Variants in OR6K2 observed in about 807,000 individuals in gnomAD.
OR6K2 encodes the protein olfactory receptor 6K2.
For missense variants in OR6K2, 450 were observed against 402.5 expected (o/e 1.12, Z -1.01); for synonymous variants, 139 against 143.8 (o/e 0.97, Z 0.24).
At position 158,700,114 on chromosome 1, in the gene OR6K2, A is replaced by G. The variant is rs754316904; in HGVS notation, c.539T>C (p.Phe180Ser). The G allele has an allele frequency of 2.5e-6, 4 of 1,614,126 alleles. No individual in the cohort carries two copies. The highest frequency in any genetic ancestry group is 2.2e-5 in the South Asian group (2 of 91,072). The change falls in exon 1 of 1, where the codon TTC (phenylalanine) becomes TCC (serine). Residue 180 changes from phenylalanine to serine, a missense_variant. By Grantham distance (155) the Phe-to-Ser change is radical. Coordinates refer to ENST00000359610, the MANE Select transcript of OR6K2 (RefSeq NM_001005279.3). ...SNHLEHIFCD[F>S]LPVLRLACTD... ...GCAGGCCAGACGCAGCACTGGGAGGAAGTCACAGAAGATATGTTCAAGGTG... is the reference window on the plus strand; with the variant it reads ...GCAGGCCAGACGCAGCACTGGGAGGGAGTCACAGAAGATATGTTCAAGGTG...
chr1:158,699,765 T>C lies in OR6K2; in HGVS notation c.888A>G (p.Lys296=), dbSNP rs780753136. 3 of 1,614,088 alleles carry C rather than the reference T, an allele frequency of 1.9e-6. No homozygotes were observed. Among genetic ancestry groups the C allele is most frequent in the Non-Finnish European group, 2.5e-6 (3 of 1,179,932 alleles). Reference sequence around the variant, plus strand: ...GCTTTTTTATAGCTTCTTTTATTTCTTTATTCCTCAGGCTATAGATAATGG... The same window carrying C: ...GCTTTTTTATAGCTTCTTTTATTTCCTTATTCCTCAGGCTATAGATAATGG... ...FNPIIYSLRN[K]EIKEAIKKHI... is the part of the protein sequence containing the mutation. Residue 296 remains lysine, a synonymous_variant, in exon 1 of 1, where the codon AAA becomes AAG. Transcript: ENST00000359610.
In OR6K2 at chr1:158,700,256, A is replaced by G; in HGVS notation, c.397T>C (p.Ser133Pro). 1 of 1,614,094 alleles carries G rather than the reference A, an allele frequency of 6.2e-7. No individual in the cohort carries two copies. The highest frequency in any genetic ancestry group is 8.5e-7 in the Non-Finnish European group (1 of 1,179,984). Reference sequence around the variant, plus strand: ...GTACATAGCTTGGGGGTCATGATAGAGGGATAATGAAGAGGGCTGCATATG... The same window carrying G: ...GTACATAGCTTGGGGGTCATGATAGGGGGATAATGAAGAGGGCTGCATATG... ...LAICSPLHYP[S>P]IMTPKLCTQL... Residue 133 changes from serine to proline, a missense_variant, in exon 1 of 1, where the codon TCT becomes CCT. Physicochemically the swap from Ser to Pro is moderately conservative, Grantham distance 74. Coordinates refer to ENST00000359610, the MANE Select transcript of OR6K2 (RefSeq NM_001005279.3).
rs1470130530 is a variant in OR6K2, at chr1:158,700,559, G to A, written c.94C>T (p.Leu32Phe). The change falls in exon 1 of 1, where the codon CTC becomes TTC. Residue 32 changes from leucine (L) to phenylalanine (F), a missense_variant. Physicochemically the swap from Leu to Phe is conservative, Grantham distance 22. Coordinates refer to ENST00000359610, the MANE Select transcript of OR6K2 (RefSeq NM_001005279.3). ...ACAACAATGAAAGCATAGATGAAGAGCAGTGGAACAAAGCAGACAACAGAC... is the reference window on the plus strand; with the variant it reads ...ACAACAATGAAAGCATAGATGAAGAACAGTGGAACAAAGCAGACAACAGAC... ...VKSVVCFVPL[L>F]FIYAFIVVGN... 1 of 1,613,976 alleles carries A rather than the reference G, an allele frequency of 6.2e-7. No homozygotes were observed. Among genetic ancestry groups the A allele is most frequent in the African/African-American group, 1.3e-5 (1 of 74,894 alleles).
At position 158,700,398 on chromosome 1, in the gene OR6K2, C is replaced by T. The variant is rs1329615426; in HGVS notation, c.255G>A (p.Leu85=). Residue 85 remains leucine, a synonymous_variant, in exon 1 of 1, where the codon CTG becomes CTA. Transcript: ENST00000359610. ...TGAAGGAAATGCTCCTCTCACTAAG[C>T]AGGCTAGACAGCATCTTTGGGATTG... is the stretch of plus-strand genomic sequence containing the variant. ...TATIPKMLSS[L]LSERSISFNG... 1 of 1,614,060 alleles carries T rather than the reference C, an allele frequency of 6.2e-7. No individual in the cohort carries two copies. Among genetic ancestry groups the T allele is most frequent in the Non-Finnish European group, 8.5e-7 (1 of 1,180,038 alleles).
In OR6K2 at chr1:158,700,043, G is replaced by A; in HGVS notation, c.610C>T (p.His204Tyr). Reference sequence around the variant, plus strand: ...ACAGCTGTAATAATCTCCACTGCATGAATGACATCCACTACCTGAATCATG... The same window carrying A: ...ACAGCTGTAATAATCTCCACTGCATAAATGACATCCACTACCTGAATCATG... The part of the protein sequence containing the change: ...IVMIQVVDVI[H>Y]AVEIITAVML... Residue 204 changes from histidine (H) to tyrosine (Y), a missense_variant, in exon 1 of 1, where the codon CAT (histidine) becomes TAT (tyrosine). Transcript: ENST00000359610. The A allele has an allele frequency of 1.9e-6, 3 of 1,614,144 alleles. No homozygotes were observed. The highest frequency in any genetic ancestry group is 2.5e-6 in the Non-Finnish European group (3 of 1,180,032).
Position 158,700,053 on chromosome 1 carries a change from C to A in OR6K2, c.600G>T (p.Val200=). ...DTRAIVMIQV[V]DVIHAVEIIT... ...TAATCTCCACTGCATGAATGACATC[C>A]ACTACCTGAATCATGACGATGGCTC... Residue 200 remains valine, a synonymous_variant, in exon 1 of 1, where the codon GTG becomes GTT. Coordinates refer to ENST00000359610, the MANE Select transcript of OR6K2 (RefSeq NM_001005279.3). 1 of 1,614,156 alleles carries A rather than the reference C, an allele frequency of 6.2e-7. No homozygotes were observed. The highest frequency in any genetic ancestry group is 8.5e-7 in the Non-Finnish European group (1 of 1,180,038).
Position 158,700,361 on chromosome 1 carries a change from G to A in OR6K2, c.292C>T (p.Leu98=), listed in dbSNP as rs748218001. The change falls in exon 1 of 1, where the codon CTG becomes TTG. Residue 98 remains leucine (L), a synonymous_variant. Transcript: ENST00000359610. ...GTGGAATGGAAGAAATACATCTGCAGGAGACAACCATTGAAGGAAATGCTC... is the reference window on the plus strand; with the variant it reads ...GTGGAATGGAAGAAATACATCTGCAAGAGACAACCATTGAAGGAAATGCTC... The part of the protein sequence containing the change: ...ERSISFNGCL[L]QMYFFHSTGI... 1.2e-6 allele frequency: 2 copies of A among 1,614,024 alleles called. No homozygotes were observed. Among genetic ancestry groups the A allele is most frequent in the African/African-American group, 1.3e-5 (1 of 74,912 alleles).
chr1:158,700,079 G>T lies in OR6K2; in HGVS notation c.574C>A (p.Arg192=). 1 of 1,614,144 alleles carries T rather than the reference G, an allele frequency of 6.2e-7. No homozygotes were observed. The highest frequency in any genetic ancestry group is 8.5e-7 in the Non-Finnish European group (1 of 1,180,028). ...PVLRLACTDT[R]AIVMIQVVDV... The stretch of plus-strand genomic sequence containing the variant: ...ACTACCTGAATCATGACGATGGCTC[G>T]TGTGTCTGTGCAGGCCAGACGCAGC... Residue 192 remains arginine (R), a synonymous_variant, in exon 1 of 1, where the codon CGA becomes AGA. Coordinates refer to ENST00000359610, the MANE Select transcript of OR6K2 (RefSeq NM_001005279.3).
In OR6K2 at chr1:158,700,123, A is replaced by G. The variant is rs1655756798; in HGVS notation, c.530T>C (p.Phe177Ser). 9 of 1,614,176 alleles carry G rather than the reference A, an allele frequency of 5.6e-6. No individual in the cohort carries two copies. The highest frequency in any genetic ancestry group is 7.6e-6 in the Non-Finnish European group (9 of 1,180,034). Residue 177 changes from phenylalanine (F) to serine (S), a missense_variant, in exon 1 of 1, where the codon TTC becomes TCC. Phe to Ser is a radical substitution (Grantham distance 155). Transcript: ENST00000359610. ...ACGCAGCACTGGGAGGAAGTCACAG[A>G]AGATATGTTCAAGGTGATTCGAACC... ...FCGSNHLEHI[F>S]CDFLPVLRLA...
chr1:158,699,731 G>A lies in OR6K2; in HGVS notation c.922C>T (p.Gln308Ter). The change falls in exon 1 of 1, where the codon CAA becomes TAA. Residue 308 changes from glutamine (Q) to a stop codon, truncating the protein, a stop_gained. Transcript: ENST00000359610. LOFTEE classifies it low-confidence loss of function (END_TRUNC). ...CTTACGGAAAAAAATATCTTAGCTT[G>A]ACCTATGTGCTTTTTTATAGCTTCT... Reference protein sequence around the residue: ...IKEAIKKHIGQAKIFFSVRPG... With the variant: ...IKEAIKKHIG 2 of 1,613,276 alleles carry A rather than the reference G, an allele frequency of 1.2e-6. No homozygotes were observed. The highest frequency in any genetic ancestry group is 1.7e-6 in the Non-Finnish European group (2 of 1,179,644).
At position 158,700,625 on chromosome 1, in the gene OR6K2, G is replaced by T. The variant is rs761457812; in HGVS notation, c.28C>A (p.Gln10Lys). MESPNRTTIQEFIFSAFPYS... is the reference protein window; with the variant it reads MESPNRTTIKEFIFSAFPYS... ...GGGAAAGCGGAGAAGATAAACTCCT[G>T]AATGGTGGTTCGATTGGGGCTCTCC... is the stretch of plus-strand genomic sequence containing the variant. Residue 10 changes from glutamine (Q) to lysine (K), a missense_variant, in exon 1 of 1, where the codon CAG (glutamine) becomes AAG (lysine). By Grantham distance (53) the Gln-to-Lys change is moderately conservative. Transcript: ENST00000359610. 6 of 1,612,082 alleles carry T rather than the reference G, an allele frequency of 3.7e-6. No individual in the cohort carries two copies.
rs752182709 is a variant in OR6K2, at chr1:158,700,309, G to A, written c.344C>T (p.Thr115Ile). ...CAGGTAGTGGTCAAAGGCCATAACT[G>A]TCAAGAGACACACCTCACAGATGCC... ...STGICEVCLL[T>I]VMAFDHYLAI... is the part of the protein sequence containing the mutation. Residue 115 changes from threonine to isoleucine, a missense_variant, in exon 1 of 1, where the codon ACA (threonine) becomes ATA (isoleucine). By Grantham distance (89) the Thr-to-Ile change is moderately conservative. Coordinates refer to ENST00000359610, the MANE Select transcript of OR6K2 (RefSeq NM_001005279.3). The A allele has an allele frequency of 8.7e-6, 14 of 1,614,126 alleles. No individual in the cohort carries two copies. The South Asian group carries it at 1.4e-4, about 16-fold the overall frequency.
chr1:158,700,496 T>C lies in OR6K2; in HGVS notation c.157A>G (p.Thr53Ala). The C allele has an allele frequency of 6.2e-7, 1 of 1,613,732 alleles. No individual in the cohort carries two copies. The highest frequency in any genetic ancestry group is 8.5e-7 in the Non-Finnish European group (1 of 1,179,772). The stretch of plus-strand genomic sequence containing the variant: ...GTATACATGGGAGTGTGGAGGTGAG[T>C]ATTCAACTGGACCACTGTGATGATG... ...LVIITVVQLNTHLHTPMYTFI... is the reference protein window; with the variant it reads ...LVIITVVQLNAHLHTPMYTFI... Residue 53 changes from threonine to alanine, a missense_variant, in exon 1 of 1, where the codon ACT (threonine) becomes GCT (alanine). Transcript: ENST00000359610.
At position 158,700,043 on chromosome 1, in the gene OR6K2, G is replaced by T. The variant is rs150220329; in HGVS notation, c.610C>A (p.His204Asn). ...IVMIQVVDVIHAVEIITAVML... is the reference protein window; with the variant it reads ...IVMIQVVDVINAVEIITAVML... ...ACAGCTGTAATAATCTCCACTGCAT[G>T]AATGACATCCACTACCTGAATCATG... Residue 204 changes from histidine to asparagine, a missense_variant, in exon 1 of 1, where the codon CAT (histidine) becomes AAT (asparagine). Physicochemically the swap from His to Asn is moderately conservative, Grantham distance 68. Coordinates refer to ENST00000359610, the MANE Select transcript of OR6K2 (RefSeq NM_001005279.3). 1.9e-6 allele frequency: 3 copies of T among 1,614,144 alleles called. No homozygotes were observed. The highest frequency in any genetic ancestry group is 2.5e-6 in the Non-Finnish European group (3 of 1,180,032).
chr1:158,699,920 G>A lies in OR6K2; in HGVS notation c.733C>T (p.His245Tyr), dbSNP rs1558008726. The change falls in exon 1 of 1, where the codon CAC (histidine) becomes TAC (tyrosine). Residue 245 changes from histidine (H) to tyrosine (Y), a missense_variant. Physicochemically the swap from His to Tyr is moderately conservative, Grantham distance 83. Transcript: ENST00000359610. Reference protein sequence around the residue: ...RRTAFSTCVSHFIVFSLFFGS... With the variant: ...RRTAFSTCVSYFIVFSLFFGS... ...AAGAAGAGCGAAAAGACAATGAAGTGAGAGACACACGTGGAAAATGCTGTG... is the reference window on the plus strand; with the variant it reads ...AAGAAGAGCGAAAAGACAATGAAGTAAGAGACACACGTGGAAAATGCTGTG... The A allele has an allele frequency of 1.2e-6, 2 of 1,614,180 alleles. No homozygotes were observed. The highest frequency in any genetic ancestry group is 1.7e-6 in the Non-Finnish European group (2 of 1,180,038).
rs757107613 is a variant in OR6K2, at chr1:158,700,326, A to T, written c.327T>A (p.Cys109Ter). ...QMYFFHSTGI[C>*]EVCLLTVMAF... is the part of the protein sequence containing the mutation. The stretch of plus-strand genomic sequence containing the variant: ...CCATAACTGTCAAGAGACACACCTC[A>T]CAGATGCCGGTGGAATGGAAGAAAT... Residue 109 changes from cysteine (C) to a stop codon, truncating the protein, a stop_gained, in exon 1 of 1, where the codon TGT becomes TGA. Coordinates refer to ENST00000359610, the MANE Select transcript of OR6K2 (RefSeq NM_001005279.3). LOFTEE classifies it high-confidence loss of function. 6 of 1,614,222 alleles carry T rather than the reference A, an allele frequency of 3.7e-6. No homozygotes were observed. The Admixed American group carries it at 1.0e-4, about 27-fold the overall frequency.
chr1:158,700,474 T>A lies in OR6K2; in HGVS notation c.179A>T (p.Tyr60Phe). The change falls in exon 1 of 1, where the codon TAT becomes TTT. Residue 60 changes from tyrosine to phenylalanine, a missense_variant. Coordinates refer to ENST00000359610, the MANE Select transcript of OR6K2 (RefSeq NM_001005279.3). ...GAAAGAAAGAGCACTGATAAAAGTA[T>A]ACATGGGAGTGTGGAGGTGAGTATT... ...QLNTHLHTPMYTFISALSFLE... is the reference protein window; with the variant it reads ...QLNTHLHTPMFTFISALSFLE... The A allele has an allele frequency of 6.2e-7, 1 of 1,614,110 alleles. No homozygotes were observed. The highest frequency in any genetic ancestry group is 2.2e-5 in the East Asian group (1 of 44,886).
chr1:158,700,134 A>C lies in OR6K2; in HGVS notation c.519T>G (p.Leu173=). The C allele has an allele frequency of 6.2e-7, 1 of 1,614,152 alleles. No individual in the cohort carries two copies. Among genetic ancestry groups the C allele is most frequent in the Non-Finnish European group, 8.5e-7 (1 of 1,180,022 alleles). Residue 173 remains leucine (L), a synonymous_variant, in exon 1 of 1, where the codon CTT becomes CTG. Coordinates refer to ENST00000359610, the MANE Select transcript of OR6K2 (RefSeq NM_001005279.3). ...GGAGGAAGTCACAGAAGATATGTTCAAGGTGATTCGAACCACAAAATGGCA... is the reference window on the plus strand; with the variant it reads ...GGAGGAAGTCACAGAAGATATGTTCCAGGTGATTCGAACCACAAAATGGCA... ...STLPFCGSNH[L]EHIFCDFLPV...
rs772967990 is a variant in OR6K2 at position 158,699,788 on chromosome 1, T to C, written c.865A>G (p.Ile289Val). The change falls in exon 1 of 1, where the codon ATT (isoleucine) becomes GTT (valine). Residue 289 changes from isoleucine to valine, a missense_variant. Coordinates refer to ENST00000359610, the MANE Select transcript of OR6K2 (RefSeq NM_001005279.3). ...FAVLSPFFNP[I>V]IYSLRNKEIK... ...TCTTTATTCCTCAGGCTATAGATAA[T>C]GGGGTTGAAGAAGGGAGACAAAACT... 27 of 1,613,986 alleles carry C rather than the reference T, an allele frequency of 1.7e-5. No homozygotes were observed. The highest frequency in any genetic ancestry group is 3.3e-5 in the Admixed American group (2 of 59,984).
Sources: gnomAD v4.1 joint callset for allele counts on GRCh38, gnomAD v4.1.1 for gene constraint, MANE v1.5 for transcripts, NCBI Gene and HGNC (gene_info 2026-07-23, HGNC 2026-07-21) for gene names.